Variants in ABCB5 observed in about 807,000 individuals in gnomAD.
ABCB5 encodes ATP-binding cassette sub-family B member 5.
A neutral mutation model predicts 144.2 loss-of-function variants in ABCB5; 155 were observed. That is an observed-to-expected ratio of 1.08 (90% CI 0.94 to 1.23). ABCB5 has a LOEUF of 1.23. Ranked by LOEUF, ABCB5 falls within the 50% of genes most tolerant of loss-of-function variation. The pLI is 0.00. For synonymous variants in ABCB5, 610 were observed against 528.6 expected, an observed-to-expected ratio of 1.15 and a Z score of -2.11; for missense variants, 1,830 against 1,520.8, an observed-to-expected ratio of 1.20 and a Z score of -3.38.
chr7:20,661,724 A>AG (rs1785010085), intron 14 of ABCB5, among the ~76,000 whole-genome samples: 2 of 151,580 alleles, frequency 1.3e-5, no homozygotes, highest in Admixed American at 6.6e-5. Flanking sequence ...TAGTAGAGAC[A>AG]GGGTTTCACC....
At chr7:20,691,111 C>G (rs1328312455) in intron 16 of ABCB5, among the ~76,000 whole-genome samples, 3 of 143,274 alleles carry the variant, frequency 2.1e-5, no homozygotes, top group Non-Finnish European at 4.5e-5. Context: ...AGTTTAAGGT[C>G]TGAGTAGTTT....
intron 1 of ABCB5, among the ~76,000 whole-genome samples, chr7:20,616,984 G>C (rs181026807): frequency 6.6e-6 from 1 of 152,236 alleles, no homozygotes. Context: ...AATTCAGATT[G>C]CAGCTTAAAC....
At chr7:20,678,972 T>A (rs966030454) in intron 14 of ABCB5, among the ~76,000 whole-genome samples, 1 of 151,992 alleles carries the variant, frequency 6.6e-6, no homozygotes. Flanking sequence ...CAAAAACTAA[T>A]CCCAGGTGTT....
At chr7:20,648,212 G>T in intron 11 of ABCB5, 134 bp downstream of exon 11, 1 of 615,998 alleles carries the variant, frequency 1.6e-6, no homozygotes, top group East Asian at 2.8e-5. Context: ...ACTTGAGGAG[G>T]TAGATAAATA....
intron 23 of ABCB5, among the ~76,000 whole-genome samples, chr7:20,735,017 T>C (rs1363611077): frequency 6.6e-6 from 1 of 152,238 alleles, no homozygotes; most frequent in Non-Finnish European, 1.5e-5. Flanking sequence ...CCATTCCTAA[T>C]CAGGAGAGGT....
intron 14 of ABCB5, chr7:20,666,902 T>A (rs1438133229): frequency 1.5e-6 from 2 of 1,322,142 alleles, no homozygotes; most frequent in East Asian, 5.8e-5. Flanking sequence ...CAAATTTTCC[T>A]GATCAGTTTT....
intron 20 of ABCB5, among the ~76,000 whole-genome samples, chr7:20,707,552 G>A (rs1332137484): frequency 6.6e-6 from 1 of 152,156 alleles, no homozygotes; most frequent in Admixed American, 6.5e-5. Flanking sequence ...ACATTTTGGC[G>A]ATCTCTTTTC....
At chr7:20,733,246 A>G (rs1006258534) in intron 23 of ABCB5, among the ~76,000 whole-genome samples, 2 of 152,078 alleles carry the variant, frequency 1.3e-5, no homozygotes, top group Admixed American at 1.3e-4. Flanking sequence ...TATTTCTGTG[A>G]AATTATTTTT....
At chr7:20,727,752 A>G (rs1782082276) in intron 22 of ABCB5, among the ~76,000 whole-genome samples, 1 of 152,248 alleles carries the variant, frequency 6.6e-6, no homozygotes, top group African/African-American at 2.4e-5. Context: ...GGCCCTTTAC[A>G]TTAAATCCCT....
chr7:20,699,359 G>A (rs1481976470), intron 17 of ABCB5, among the ~76,000 whole-genome samples: 1 of 152,108 alleles, frequency 6.6e-6, no homozygotes, highest in East Asian at 1.9e-4. Context: ...TAGCATCATG[G>A]TGCACTTTTT....
intron 20 of ABCB5, among the ~76,000 whole-genome samples, chr7:20,712,557 A>AT (rs1176029274): frequency 6.7e-6 from 1 of 149,154 alleles, no homozygotes; most frequent in African/African-American, 2.5e-5. Context: ...TGCTTTGTTC[A>AT]TTTTTTTCTG....
intron 14 of ABCB5, among the ~76,000 whole-genome samples, chr7:20,676,288 A>G (rs997612007): frequency 6.6e-6 from 1 of 152,140 alleles, no homozygotes; most frequent in Non-Finnish European, 1.5e-5. Context: ...TCGAAGAGGT[A>G]TATACACTCC....
chr7:20,622,766 A>AT (rs1412776767), intron 1 of ABCB5, among the ~76,000 whole-genome samples: 1 of 152,050 alleles, frequency 6.6e-6, no homozygotes, highest in Non-Finnish European at 1.5e-5. Flanking sequence ...AAATATTCTA[A>AT]TTTTTTGTAA....
chr7:20,738,263 G>A (rs1218035679), intron 23 of ABCB5, among the ~76,000 whole-genome samples: 3 of 152,270 alleles, frequency 2.0e-5, no homozygotes, highest in South Asian at 2.1e-4. Flanking sequence ...AAATGAAATC[G>A]AAAATGAGAG....
intron 7 of ABCB5, 41 bp from the exon 8 acceptor site, chr7:20,645,715 A>T: frequency 6.2e-7 from 1 of 1,609,960 alleles, no homozygotes; most frequent in Non-Finnish European, 8.5e-7. Flanking sequence ...CATTATTACT[A>T]CACAGAGTCA....
chr7:20,730,908 T>C (rs990007842), intron 23 of ABCB5, among the ~76,000 whole-genome samples: 1 of 152,158 alleles, frequency 6.6e-6, no homozygotes, highest in South Asian at 2.1e-4. Context: ...GTATAACTAG[T>C]TTTGAGTATT....
chr7:20,670,903 C>T (rs1229758723), intron 14 of ABCB5, among the ~76,000 whole-genome samples: 1 of 152,020 alleles, frequency 6.6e-6, no homozygotes, highest in East Asian at 1.9e-4. Flanking sequence ...GAGCGAAATT[C>T]CACCTGAAAT....
intron 13 of ABCB5, chr7:20,651,829 T>G (rs984078046): frequency 3.6e-6 from 2 of 554,346 alleles, no homozygotes; most frequent in Non-Finnish European, 6.4e-6. Flanking sequence ...TAACACATTA[T>G]GAGATTTTTT....
At chr7:20,621,988 G>A (rs1412533375) in intron 1 of ABCB5, among the ~76,000 whole-genome samples, 2 of 152,072 alleles carry the variant, frequency 1.3e-5, no homozygotes, top group Non-Finnish European at 2.9e-5. Context: ...TTTCCCAAGT[G>A]CAGTATGACA....
Sources: gnomAD v4.1 joint callset for allele counts (sites outside exome capture counted in the v4.1 genomes callset) on GRCh38, gnomAD v4.1.1 for gene constraint, MANE v1.5 for transcripts, NCBI Gene and HGNC (gene_info 2026-07-23, HGNC 2026-07-21) for gene names.